Variants in POMP observed in about 807,000 individuals in gnomAD.
The protein encoded by POMP is proteasome maturation protein, also known as 2510048O06Rik.
Under a neutral mutation model 20.6 loss-of-function variants are expected in POMP, and 12 were observed. That is an observed-to-expected ratio of 0.58 (90% CI 0.37 to 0.94). The LOEUF is 0.94. Among genes scored for constraint, POMP ranks in the 40% least tolerant of loss-of-function variants. The probability of loss-of-function intolerance (pLI) is 0.01; values close to 1 mark genes in which losing one functional copy is unlikely to be tolerated. For missense variants in POMP, 136 were observed against 161.1 expected (o/e 0.84, Z 0.84); for synonymous variants, 53 against 55.0 (o/e 0.96, Z 0.16).
intron 4 of POMP, among the ~76,000 whole-genome samples, chr13:28,670,488 T>G (rs755892689): frequency 8.5e-5 from 13 of 152,174 alleles, no homozygotes; most frequent in African/African-American, 1.2e-4. Context: ...CCAATCCTTG[T>G]TAAGACTCTA....
chr13:28,660,796 C>CTTCAGACATCGATG (rs1391504323), intron 1 of POMP, among the ~76,000 whole-genome samples: 6 of 152,154 alleles, frequency 3.9e-5, no homozygotes, highest in Non-Finnish European at 7.3e-5. Context: ...GAACTTTGTG[C>CTTCAGACATCGATG]TTCAGACATC....
chr13:28,664,885 T>G (rs1424173682), intron 3 of POMP, among the ~76,000 whole-genome samples: 1 of 152,204 alleles, frequency 6.6e-6, no homozygotes, highest in Non-Finnish European at 1.5e-5. Context: ...GCTGTTGACT[T>G]CCAAGTTCAT....
chr13:28,660,961 G>C (rs1247155656), intron 1 of POMP, among the ~76,000 whole-genome samples: 2 of 152,164 alleles, frequency 1.3e-5, no homozygotes, highest in Admixed American at 6.6e-5. Flanking sequence ...GGCTGGGCTG[G>C]AGTGGTATAG....
intron 5 of POMP, 57 bp from the exon 6 acceptor site, chr13:28,677,978 T>TTGAA (rs1375788151): frequency 3.1e-5 from 47 of 1,519,158 alleles, no homozygotes; most frequent in Non-Finnish European, 4.1e-5. Flanking sequence ...AGCAGAATCA[T>TTGAA]TGAATGTATC....
chr13:28,668,734 A>G (rs1884489171), intron 4 of POMP, among the ~76,000 whole-genome samples, 160 bp downstream of exon 4: 1 of 152,160 alleles, frequency 6.6e-6, no homozygotes, highest in African/African-American at 2.4e-5. Context: ...GAGGGAAAAA[A>G]GAAGTCATTA....
rs930521631 is a variant in POMP, at chr13:28,668,539, C to G, written c.229C>G (p.Leu77Val). Reference sequence around the variant, plus strand: ...AAACATTCAGGGTCTATTTGCTCCGCTAAAATTACAGATGGAATTCAAGGC... The same window carrying G: ...AAACATTCAGGGTCTATTTGCTCCGGTAAAATTACAGATGGAATTCAAGGC... ...LRNIQGLFAP[L>V]KLQMEFKAVQ... The change falls in exon 4 of 6, where the codon CTA becomes GTA. Residue 77 changes from leucine (L) to valine (V), a missense_variant. Physicochemically the swap from Leu to Val is conservative, Grantham distance 32. Transcript: ENST00000380842. 1 of 1,612,444 alleles carries G rather than the reference C, an allele frequency of 6.2e-7. No individual in the cohort carries two copies. Among genetic ancestry groups the G allele is most frequent in the Non-Finnish European group, 8.5e-7 (1 of 1,178,648 alleles).
intron 3 of POMP, among the ~76,000 whole-genome samples, chr13:28,667,649 A>G (rs889539819): frequency 3.9e-5 from 6 of 152,220 alleles, no homozygotes; most frequent in African/African-American, 1.4e-4. Flanking sequence ...TTTGATTACT[A>G]TTAGAAGACA....
chr13:28,667,469 A>G (rs1411892755), intron 3 of POMP, among the ~76,000 whole-genome samples: 2 of 152,222 alleles, frequency 1.3e-5, no homozygotes, highest in Admixed American at 6.5e-5. Context: ...TTCAGATCAT[A>G]TACCCATAAT....
intron 4 of POMP, among the ~76,000 whole-genome samples, chr13:28,670,782 C>T (rs1316379623): frequency 6.6e-6 from 1 of 152,212 alleles, no homozygotes; most frequent in Non-Finnish European, 1.5e-5. Flanking sequence ...CTGGGTGGCT[C>T]ATGCCTGTAA....
intron 3 of POMP, among the ~76,000 whole-genome samples, chr13:28,666,789 C>T (rs1884455736): frequency 6.6e-6 from 1 of 152,164 alleles, no homozygotes; most frequent in African/African-American, 2.4e-5. Context: ...TGGAAGATGG[C>T]CATCATCATT....
At chr13:28,667,014 G>C (rs1402437994) in intron 3 of POMP, among the ~76,000 whole-genome samples, 2 of 152,192 alleles carry the variant, frequency 1.3e-5, no homozygotes, top group African/African-American at 4.8e-5. Context: ...TCTGGCCCAA[G>C]AAATCAGTAG....
intron 1 of POMP, among the ~76,000 whole-genome samples, chr13:28,661,678 C>G (rs1479158073): frequency 1.3e-5 from 2 of 152,160 alleles, no homozygotes; most frequent in Non-Finnish European, 2.9e-5. Context: ...ACACCAATAC[C>G]AAATGCACTG....
intron 3 of POMP, among the ~76,000 whole-genome samples, chr13:28,666,691 C>G (rs1381650319): frequency 6.6e-6 from 1 of 152,214 alleles, no homozygotes; most frequent in African/African-American, 2.4e-5. Flanking sequence ...CCTTAGTCTT[C>G]TCATCTGGAG....
chr13:28,675,535 C>T (rs1462526416), intron 5 of POMP, among the ~76,000 whole-genome samples: 2 of 152,106 alleles, frequency 1.3e-5, no homozygotes, highest in African/African-American at 2.4e-5. Context: ...GCATAATATA[C>T]GGTTAACTTA....
At chr13:28,664,460 G>C in intron 2 of POMP, 49 bp from the exon 3 acceptor site, 1 of 1,254,348 alleles carries the variant, frequency 8.0e-7, no homozygotes, top group Non-Finnish European at 1.2e-6. Flanking sequence ...TCTGGGTATT[G>C]AGTGATATTT....
chr13:28,673,428 A>G (rs1311132553), intron 5 of POMP, among the ~76,000 whole-genome samples: 2 of 152,268 alleles, frequency 1.3e-5, no homozygotes, highest in African/African-American at 4.8e-5. Context: ...AGTAAGAACA[A>G]TATATGCAGC....
chr13:28,664,799 TC>T (rs1447202810), intron 3 of POMP, among the ~76,000 whole-genome samples: 1 of 152,172 alleles, frequency 6.6e-6, no homozygotes, highest in Non-Finnish European at 1.5e-5. Context: ...CAAAGGGTGA[TC>T]CACTTCTCCA....
At chr13:28,667,430 A>G (rs1274729276) in intron 3 of POMP, among the ~76,000 whole-genome samples, 1 of 152,220 alleles carries the variant, frequency 6.6e-6, no homozygotes, top group Non-Finnish European at 1.5e-5. Flanking sequence ...GGATAAGCCA[A>G]TATTTAAAGC....
chr13:28,662,433 G>C lies in POMP; in HGVS notation c.27G>C (p.Glu9Asp). The change falls in exon 2 of 6, where the codon GAG (glutamate) becomes GAC (aspartate). Residue 9 changes from glutamate (E) to aspartate (D), a missense_variant. Physicochemically the swap from Glu to Asp is conservative, Grantham distance 45 (BLOSUM62 2). Coordinates refer to ENST00000380842, the MANE Select transcript of POMP (RefSeq NM_015932.6). MNARGLGSELKDSIPVTEL... is the reference protein window; with the variant it reads MNARGLGSDLKDSIPVTEL... The stretch of plus-strand genomic sequence containing the variant: ...AGAATGCCAGAGGACTTGGATCTGA[G>C]CTAAAGGACAGTATTCCAGTTACTG... 6.2e-7 allele frequency: 1 copy of C among 1,613,730 alleles called. No homozygotes were observed. The highest frequency in any genetic ancestry group is 8.5e-7 in the Non-Finnish European group (1 of 1,179,704).
Sources: allele counts gnomAD v4.1 joint callset (sites outside exome capture counted in the v4.1 genomes callset), GRCh38; gene constraint gnomAD v4.1.1; transcripts MANE v1.5; gene names NCBI Gene and HGNC (gene_info 2026-07-23, HGNC 2026-07-21).